SUZ12: variants seen among roughly 807,000 people sequenced by gnomAD.
SUZ12 encodes the protein polycomb protein SUZ12.
In SUZ12, 17 loss-of-function variants were observed where a neutral mutation model predicts 87.3. The observed-to-expected ratio is 0.19, with a 90% CI of 0.13 to 0.29. SUZ12 has a LOEUF of 0.29. Among genes scored for constraint, SUZ12 ranks in the 10% least tolerant of loss-of-function variants. The pLI is 1.00. For synonymous variants in SUZ12, 253 were observed against 312.4 expected (o/e 0.81, Z 2.01); for missense variants, 526 against 912.2 (o/e 0.58, Z 5.45).
At chr17:31,947,332 A>C (rs1297388720) in intron 3 of SUZ12, among the ~76,000 whole-genome samples, 1 of 152,168 alleles carries the variant, frequency 6.6e-6, no homozygotes, top group East Asian at 1.9e-4. Context: ...GTCAAAATAA[A>C]TATAAACCAA....
Position 31,937,153 on chromosome 17 carries a change from C to G in SUZ12, c.-94C>G, listed in dbSNP as rs1198810667. The G allele has an allele frequency of 5.3e-6, 6 of 1,135,354 alleles. No individual in the cohort carries two copies. In the South Asian group the frequency reaches 9.0e-5, roughly 17 times the overall value. 70.3% of individuals were successfully genotyped at this position (1,135,354 alleles called of 1,614,324 possible). ...TCTCCTCCTTCCCCCCTCGGTCCGC[C>G]GGAGCCTGCTGGGGCGAGCGGTTGG... On this transcript the variant is annotated 5_prime_UTR_variant, in exon 1 of 16. Coordinates refer to ENST00000322652, the MANE Select transcript of SUZ12 (RefSeq NM_015355.4).
intron 4 of SUZ12, among the ~76,000 whole-genome samples, chr17:31,965,019 A>C (rs146913047): frequency 6.7e-5 from 10 of 149,216 alleles, no homozygotes; most frequent in African/African-American, 2.2e-4. Flanking sequence ...TCAAATTTAC[A>C]GGGCAACCTC....
intron 5 of SUZ12, among the ~76,000 whole-genome samples, chr17:31,972,426 T>A (rs1014415244): frequency 6.6e-6 from 1 of 150,646 alleles, no homozygotes; most frequent in Non-Finnish European, 1.5e-5. Context: ...TGTAGATGTG[T>A]TTTAGAGACA....
At chr17:31,950,725 T>C (rs1273939982) in intron 4 of SUZ12, among the ~76,000 whole-genome samples, 3 of 152,024 alleles carry the variant, frequency 2.0e-5, no homozygotes, top group Non-Finnish European at 4.4e-5. Flanking sequence ...TCCATAACAT[T>C]AGTTAGTAGA....
chr17:31,957,239 GTT>G (rs533701366), intron 4 of SUZ12, among the ~76,000 whole-genome samples: 1 of 143,634 alleles, frequency 7.0e-6, no homozygotes, highest in African/African-American at 2.6e-5. Flanking sequence ...TACATTTTTT[GTT>G]TTTTTTTTTT....
chr17:31,999,353 C>G lies in SUZ12; in HGVS notation c.*350C>G, dbSNP rs201628524. 4.3e-6 allele frequency: 1 copy of G among 235,040 alleles called. No individual in the cohort carries two copies. The highest frequency in any genetic ancestry group is 8.3e-6 in the Non-Finnish European group (1 of 119,840). 14.6% of individuals were successfully genotyped at this position (235,040 alleles called of 1,614,324 possible). On this transcript the variant is annotated 3_prime_UTR_variant, in exon 16 of 16. Transcript: ENST00000322652. ...TTTGCATTTATGAACGGCTGTTTTT[C>G]TACTTTGTAATTGTGAGACATTTTC...
chr17:31,985,719 G>T (rs1473339585), intron 9 of SUZ12, among the ~76,000 whole-genome samples: 1 of 151,424 alleles, frequency 6.6e-6, no homozygotes, highest in Non-Finnish European at 1.5e-5. Context: ...CTGGAGTACA[G>T]TGGCATGATC....
chr17:31,965,928 G>A (rs1908057793), intron 4 of SUZ12: 1 of 387,620 alleles, frequency 2.6e-6, no homozygotes, highest in Non-Finnish European at 4.7e-6. Context: ...TGAGTTGTGA[G>A]GGGTTTTTTG....
intron 5 of SUZ12, among the ~76,000 whole-genome samples, chr17:31,968,206 T>C (rs1186498428): frequency 6.6e-6 from 1 of 152,128 alleles, no homozygotes; most frequent in Non-Finnish European, 1.5e-5. Flanking sequence ...ATTGGCCAAT[T>C]GTCAAAATGC....
At chr17:31,950,846 C>A (rs1004485247) in intron 4 of SUZ12, among the ~76,000 whole-genome samples, 1 of 151,840 alleles carries the variant, frequency 6.6e-6, no homozygotes, top group South Asian at 2.1e-4. Context: ...GTGACGCGAT[C>A]TCAGCTCACT....
At chr17:31,977,710 G>A (rs993747019) in intron 8 of SUZ12, among the ~76,000 whole-genome samples, 4 of 152,134 alleles carry the variant, frequency 2.6e-5, no homozygotes, top group Admixed American at 1.3e-4. Context: ...CCAAGATGGC[G>A]AAACCCTGTC....
chr17:31,997,666 CAAAAAAAAAAA>C (rs892389046), intron 15 of SUZ12, among the ~76,000 whole-genome samples: 5 of 70,408 alleles, frequency 7.1e-5, no homozygotes, highest in South Asian at 5.4e-4. Flanking sequence ...ACCCTATCTC[CAAAAAAAAAAA>C]AAAAAAAAAA....
intron 6 of SUZ12, among the ~76,000 whole-genome samples, chr17:31,974,689 C>T (rs879945262): frequency 2.6e-5 from 4 of 152,022 alleles, no homozygotes; most frequent in African/African-American, 7.2e-5. Context: ...TAGTCATCTC[C>T]GGAGCGTAAG....
intron 4 of SUZ12, among the ~76,000 whole-genome samples, chr17:31,961,415 C>T (rs1339598310): frequency 6.6e-6 from 1 of 151,958 alleles, no homozygotes; most frequent in Non-Finnish European, 1.5e-5. Context: ...GGCATGGTGG[C>T]GGACACCTGT....
chr17:31,943,417 A>G (rs984461719), intron 3 of SUZ12, among the ~76,000 whole-genome samples: 1 of 152,238 alleles, frequency 6.6e-6, no homozygotes, highest in African/African-American at 2.4e-5. Flanking sequence ...GTTGATTAAA[A>G]TACAACAATA....
chr17:31,949,676 C>CTTTTT (rs71360790), intron 4 of SUZ12, among the ~76,000 whole-genome samples: 10 of 12,384 alleles, frequency 8.1e-4, no homozygotes, highest in African/African-American at 2.8e-3. Flanking sequence ...CCCCCCCCCC[C>CTTTTT]TTTTTTTTTT....
chr17:31,959,595 T>A (rs1428031573), intron 4 of SUZ12, among the ~76,000 whole-genome samples: 1 of 152,214 alleles, frequency 6.6e-6, no homozygotes. Context: ...AAGTAGATTA[T>A]CAGACTTGTC....
intron 4 of SUZ12, among the ~76,000 whole-genome samples, chr17:31,950,104 A>T (rs1380596497): frequency 6.6e-6 from 1 of 152,110 alleles, no homozygotes; most frequent in Middle Eastern, 3.4e-3. Context: ...CTCCTGCCTC[A>T]GCCTCCCAAG....
intron 4 of SUZ12, among the ~76,000 whole-genome samples, chr17:31,960,744 A>AT (rs1201763552): frequency 6.6e-6 from 1 of 151,792 alleles, no homozygotes. Context: ...CGCCTGGCTA[A>AT]TTTTTTGTAT....
Sources: gnomAD v4.1 joint callset for allele counts (sites outside exome capture counted in the v4.1 genomes callset) on GRCh38, gnomAD v4.1.1 for gene constraint, MANE v1.5 for transcripts, NCBI Gene and HGNC (gene_info 2026-07-23, HGNC 2026-07-21) for gene names.